Variants in UGGT2 observed in about 807,000 individuals in gnomAD.
UGGT2 encodes the protein UDP-glucose:glycoprotein glucosyltransferase 2.
In UGGT2, 180 loss-of-function variants were observed where a neutral mutation model predicts 192.1. That is an observed-to-expected ratio of 0.94 (90% confidence interval 0.83 to 1.06). UGGT2 has a LOEUF of 1.06. UGGT2 is among the 50% of genes least tolerant of loss of function. The pLI is 0.00. For missense variants in UGGT2, 1,849 were observed against 1,795.7 expected (o/e 1.03, Z -0.54); for synonymous variants, 580 against 591.0 (o/e 0.98, Z 0.27).
Position 95,890,972 on chromosome 13 carries a change from A to C in UGGT2, c.2856-8T>G, listed in dbSNP as rs2140235627. 6.3e-7 allele frequency: 1 copy of C among 1,577,858 alleles called. No individual in the cohort carries two copies. The highest frequency in any genetic ancestry group is 8.7e-7 in the Non-Finnish European group (1 of 1,151,628). On this transcript the variant is annotated splice_polypyrimidine_tract_variant and splice_region_variant and intron_variant, in intron 24 of 38. Coordinates refer to ENST00000376747, the MANE Select transcript of UGGT2 (RefSeq NM_020121.4). ...GGATTCGTCTTTATAACACTAAGAA[A>C]ATAGAAAATAAGATGAAAGATGACG...
chr13:95,848,410 C>T (rs1369125561), intron 36 of UGGT2, among the ~76,000 whole-genome samples: 1 of 152,234 alleles, frequency 6.6e-6, no homozygotes, highest in Non-Finnish European at 1.5e-5. Flanking sequence ...TATTGTCTTC[C>T]AGGAGTTTTG....
chr13:95,978,711 G>C (rs185498918), intron 10 of UGGT2, among the ~76,000 whole-genome samples: 8 of 152,262 alleles, frequency 5.3e-5, no homozygotes, highest in Admixed American at 3.9e-4. Context: ...TATATGGTGA[G>C]AGATGGGGGT....
intron 1 of UGGT2, among the ~76,000 whole-genome samples, chr13:96,034,269 C>T (rs1207827166): frequency 6.6e-6 from 1 of 152,162 alleles, no homozygotes. Flanking sequence ...ACAGAATGAC[C>T]TGCCTGTGAA....
At chr13:95,844,578 A>C (rs1369972571) in intron 36 of UGGT2, among the ~76,000 whole-genome samples, 2 of 152,206 alleles carry the variant, frequency 1.3e-5, no homozygotes, top group African/African-American at 4.8e-5. Context: ...GGATAATTTC[A>C]ATTTTCAATT....
rs905936398 is a variant in UGGT2, at chr13:95,801,587, T to C, written c.*203A>G. 4 of 492,530 alleles carry C rather than the reference T, an allele frequency of 8.1e-6. No individual in the cohort carries two copies. Among genetic ancestry groups the C allele is most frequent in the Middle Eastern group, 5.2e-4 (1 of 1,928 alleles). The allele number at this position is 492,530 out of a possible 1,614,324, so 30.5% of individuals were successfully genotyped here. A position where few individuals can be genotyped will look rare whatever the true frequency, so the allele number is the denominator to read the frequency against. ...GAAAAAGGAACAATCAGGTTTTAAA[T>C]ACTCAATGGTCATTTATTATATAAC... On this transcript the variant is annotated 3_prime_UTR_variant, in exon 39 of 39. Transcript: ENST00000376747.
chr13:95,910,410 G>T (rs574512811), intron 20 of UGGT2, among the ~76,000 whole-genome samples: 1 of 151,760 alleles, frequency 6.6e-6, no homozygotes, highest in South Asian at 2.1e-4. Flanking sequence ...CCAAGCAAAT[G>T]GAAAGAAAAA....
chr13:95,969,622 A>G (rs1292646101), intron 12 of UGGT2, among the ~76,000 whole-genome samples: 1 of 152,246 alleles, frequency 6.6e-6, no homozygotes, highest in African/African-American at 2.4e-5. Context: ...GACAGCAGCC[A>G]TCTGCAGCCT....
intron 9 of UGGT2, chr13:95,985,368 CA>C: frequency 1.1e-6 from 1 of 940,670 alleles, no homozygotes; most frequent in Admixed American, 2.9e-5. Context: ...TCCTTTATTT[CA>C]AGGTACCACC....
In UGGT2 at chr13:95,877,315, T is replaced by C. The variant is rs776681071; in HGVS notation, c.3437A>G (p.His1146Arg). ...ATAAATATCTTCAGATTTTCCTTGGTGTAACCTCAGTATCCAAGCACCTGG... is the reference window on the plus strand; with the variant it reads ...ATAAATATCTTCAGATTTTCCTTGGCGTAACCTCAGTATCCAAGCACCTGG... ...ANPGAWILRL[H>R]QGKSEDIYQI... The change falls in exon 29 of 39, where the codon CAC becomes CGC. Residue 1146 changes from histidine to arginine, a missense_variant. His to Arg is a conservative substitution (Grantham distance 29). Coordinates refer to ENST00000376747, the MANE Select transcript of UGGT2 (RefSeq NM_020121.4). 24 of 1,606,950 alleles carry C rather than the reference T, an allele frequency of 1.5e-5. No individual in the cohort carries two copies. Among genetic ancestry groups the C allele is most frequent in the Non-Finnish European group, 1.3e-5 (15 of 1,177,740 alleles).
In UGGT2 at chr13:95,995,936, G is replaced by T. The variant is rs187726030; in HGVS notation, c.830+127C>A. 5.6e-3 allele frequency: 4,290 copies of T among 763,832 alleles called. 15 individuals are homozygous for T. Among genetic ancestry groups the T allele is most frequent in the Non-Finnish European group, 7.8e-3 (3,545 of 454,232 alleles). The allele number at this position is 763,832 out of a possible 1,614,324, so 47.3% of individuals were successfully genotyped here. ...ACTTCTGTAATAAATAAAAACAATC[G>T]TATGTGTGTGTGTTTGTACTTTCTA... On this transcript the variant is annotated intron_variant, in intron 7 of 38. Coordinates refer to ENST00000376747, the MANE Select transcript of UGGT2 (RefSeq NM_020121.4).
At chr13:96,038,293 C>A (rs1266256917) in intron 1 of UGGT2, among the ~76,000 whole-genome samples, 2 of 152,110 alleles carry the variant, frequency 1.3e-5, no homozygotes, top group Non-Finnish European at 2.9e-5. Context: ...TGAAGCTCAC[C>A]TTTTAACAAC....
intron 5 of UGGT2, among the ~76,000 whole-genome samples, chr13:95,999,514 T>C (rs2051731692): frequency 6.6e-6 from 1 of 152,246 alleles, no homozygotes; most frequent in African/African-American, 2.4e-5. Flanking sequence ...GTAAAAACTT[T>C]GTCATGACTA....
intron 38 of UGGT2, among the ~76,000 whole-genome samples, chr13:95,828,905 A>G (rs1045902843): frequency 6.6e-6 from 1 of 152,224 alleles, no homozygotes; most frequent in African/African-American, 2.4e-5. Context: ...ATGAACATCA[A>G]TGCAAAAATC....
chr13:96,013,617 T>G (rs2052235914), intron 4 of UGGT2, 136 bp from the exon 5 acceptor site: 2 of 571,016 alleles, frequency 3.5e-6, no homozygotes, highest in Non-Finnish European at 5.3e-6. Context: ...CTGTGATGAC[T>G]TTGTACACAT....
At chr13:95,882,682 G>A (rs2047526714) in intron 27 of UGGT2, among the ~76,000 whole-genome samples, 1 of 152,160 alleles carries the variant, frequency 6.6e-6, no homozygotes, top group African/African-American at 2.4e-5. Context: ...GTTAGAGCTA[G>A]TGTTCATCCG....
intron 36 of UGGT2, among the ~76,000 whole-genome samples, chr13:95,847,263 CAA>C (rs1314726934): frequency 6.6e-6 from 1 of 152,076 alleles, no homozygotes; most frequent in African/African-American, 2.4e-5. Flanking sequence ...CACCCCCCAC[CAA>C]AGTGATATGT....
At chr13:95,815,743 C>CA (rs1031506472) in intron 38 of UGGT2, among the ~76,000 whole-genome samples, 9 of 152,118 alleles carry the variant, frequency 5.9e-5, no homozygotes, top group Non-Finnish European at 7.4e-5. Context: ...AGGCACTTTG[C>CA]AAAAAAACTT....
chr13:96,038,059 A>G (rs1422035365), intron 1 of UGGT2, among the ~76,000 whole-genome samples: 1 of 152,240 alleles, frequency 6.6e-6, no homozygotes, highest in East Asian at 1.9e-4. Flanking sequence ...TGTTCACAAC[A>G]AAACAATAAG....
At chr13:95,908,212 A>G (rs1237588142) in intron 20 of UGGT2, among the ~76,000 whole-genome samples, 1 of 152,232 alleles carries the variant, frequency 6.6e-6, no homozygotes, top group Non-Finnish European at 1.5e-5. Flanking sequence ...AAGACTAAAA[A>G]GAAACAAACA....
Sources: allele counts gnomAD v4.1 joint callset (sites outside exome capture counted in the v4.1 genomes callset), GRCh38; gene constraint gnomAD v4.1.1; transcripts MANE v1.5; gene names NCBI Gene and HGNC (gene_info 2026-07-23, HGNC 2026-07-21).